MEP1B: variants seen among roughly 807,000 people sequenced by gnomAD.
The protein encoded by MEP1B is N-benzoyl-L-tyrosyl-P-amino-benzoic acid hydrolase subunit beta.
In MEP1B, 80 loss-of-function variants were observed where a neutral mutation model predicts 84.6. The ratio of observed to expected loss-of-function variants is 0.95; its 90% confidence interval spans 0.79 to 1.14. MEP1B has a LOEUF of 1.14. MEP1B is among the 50% of genes most tolerant of loss of function. The probability of loss-of-function intolerance (pLI) is 0.00; values close to 1 mark genes in which losing one functional copy is unlikely to be tolerated. For missense variants in MEP1B, 766 were observed against 855.1 expected (o/e 0.90, Z 1.30); for synonymous variants, 273 against 288.1 (o/e 0.95, Z 0.53).
In MEP1B at chr18:32,205,744, G is replaced by T. The variant is rs574140270; in HGVS notation, c.547+1384G>T. 9.3e-3 allele frequency among the ~76,000 whole-genome samples: 1,411 copies of T among 152,236 alleles called. 10 individuals carry two copies. The highest frequency in any genetic ancestry group is 0.032 in the African/African-American group (1,330 of 41,544). The stretch of plus-strand genomic sequence containing the variant: ...TAGTATAATGCTAAATGGCCTGAAT[G>T]TCTTCTCTAAATATATTCATTTTTG... On this transcript the variant is annotated intron_variant, in intron 7 of 14. Coordinates refer to ENST00000269202, the MANE Select transcript of MEP1B (RefSeq NM_005925.3).
At chr18:32,197,405 GT>G (rs34303503) in intron 5 of MEP1B, among the ~76,000 whole-genome samples, 25 of 142,174 alleles carry the variant, frequency 1.8e-4, no homozygotes, top group Admixed American at 5.6e-4. Flanking sequence ...TTTCATTTTT[GT>G]TTTTTTTTTT....
Position 32,203,002 on chromosome 18 carries a change from G to A in MEP1B, c.360G>A (p.Lys120=). 6.9e-6 allele frequency: 11 copies of A among 1,596,166 alleles called. No homozygotes were observed. Among genetic ancestry groups the A allele is most frequent in the Non-Finnish European group, 9.4e-6 (11 of 1,166,050 alleles). The part of the protein sequence containing the change: ...AGETNYISVF[K]GSGCWSSVGN... ...AAACAAACTATATATCAGTGTTCAAGGGCAGTGGGTAAGTTGCAGACTTAG... is the reference window on the plus strand; with the variant it reads ...AAACAAACTATATATCAGTGTTCAAAGGCAGTGGGTAAGTTGCAGACTTAG... Residue 120 remains lysine (K), a synonymous_variant, in exon 6 of 15, where the codon AAG becomes AAA. Transcript: ENST00000269202.
At chr18:32,213,002 G>A (rs1191153172) in intron 10 of MEP1B, 114 bp from the exon 11 acceptor site, 4 of 949,048 alleles carry the variant, frequency 4.2e-6, no homozygotes, top group Non-Finnish European at 6.3e-6. Context: ...CTTCTGACCT[G>A]TAGAAATAAA....
chr18:32,213,019 T>G, intron 10 of MEP1B, 97 bp from the exon 11 acceptor site: 1 of 1,168,324 alleles, frequency 8.6e-7, no homozygotes, highest in South Asian at 1.5e-5. Flanking sequence ...TAAATCGGTT[T>G]TGGATGACCC....
At chr18:32,208,331 T>G in intron 9 of MEP1B, 60 bp downstream of exon 9, 15 of 1,413,262 alleles carry the variant, frequency 1.1e-5, no homozygotes, top group Non-Finnish European at 1.4e-5. Context: ...CATACTTCTC[T>G]ATGAAAGAAT....
At chr18:32,208,835 T>C (rs2040993100) in intron 9 of MEP1B, among the ~76,000 whole-genome samples, 1 of 152,246 alleles carries the variant, frequency 6.6e-6, no homozygotes, top group Non-Finnish European at 1.5e-5. Flanking sequence ...TATGTAAAAC[T>C]AGACTTCAGA....
intron 13 of MEP1B, 37 bp from the exon 14 acceptor site, chr18:32,217,724 T>A (rs753300675): frequency 4.6e-6 from 7 of 1,533,686 alleles, no homozygotes; most frequent in Non-Finnish European, 6.3e-6. Context: ...GAGTTAGATA[T>A]CAACTAATAA....
At chr18:32,204,075 G>A in intron 6 of MEP1B, 107 bp from the exon 7 acceptor site, 1 of 883,900 alleles carries the variant, frequency 1.1e-6, no homozygotes, top group Non-Finnish European at 1.8e-6. Context: ...TAAGAGCAAA[G>A]GTGGGTAATG....
chr18:32,199,878 GC>G (rs1434069720), intron 5 of MEP1B, among the ~76,000 whole-genome samples: 1 of 152,132 alleles, frequency 6.6e-6, no homozygotes, highest in Non-Finnish European at 1.5e-5. Context: ...GTTTCACCAG[GC>G]AATCCACCCA....
chr18:32,197,639 C>T (rs191565839), intron 5 of MEP1B, among the ~76,000 whole-genome samples: 1 of 152,070 alleles, frequency 6.6e-6, no homozygotes, highest in Non-Finnish European at 1.5e-5. Flanking sequence ...AGGCTGGTCT[C>T]GAATTCCTGG....
Position 32,217,019 on chromosome 18 carries a change from C to A in MEP1B, c.1788C>A (p.Ile596=), listed in dbSNP as rs779418048. The A allele has an allele frequency of 6.2e-7, 1 of 1,613,978 alleles. No homozygotes were observed. Among genetic ancestry groups the A allele is most frequent in the Non-Finnish European group, 8.5e-7 (1 of 1,179,852 alleles). ...EDISHLNSTQ[I]QLTPAPSVQD... ...TATCTCACCTCAACTCTACACAAAT[C>A]CAGCTAACACCAGCCCCTAGTGTTC... The change falls in exon 13 of 15, where the codon ATC becomes ATA. Residue 596 remains isoleucine (I), a synonymous_variant. Transcript: ENST00000269202.
At chr18:32,204,832 G>A (rs930490510) in intron 7 of MEP1B, among the ~76,000 whole-genome samples, 5 of 152,120 alleles carry the variant, frequency 3.3e-5, no homozygotes, top group Admixed American at 1.3e-4. Flanking sequence ...AGAGGTCAAG[G>A]GAGAGTCAGA....
intron 12 of MEP1B, among the ~76,000 whole-genome samples, chr18:32,216,721 A>T (rs2041093164): frequency 6.6e-6 from 1 of 152,090 alleles, no homozygotes; most frequent in Admixed American, 6.5e-5. Context: ...CAAGCCTAAA[A>T]TCTGATCATT....
In MEP1B at chr18:32,196,876, G is replaced by A. The variant is rs999290465; in HGVS notation, c.250+1391G>A. ...TACTTGCCCATGATGTAGTGGAGGC[G>A]GGCAAGGAGGCGCAGGCAGGCTCAG... On this transcript the variant is annotated intron_variant, in intron 5 of 14. Transcript: ENST00000269202. This position sits in a 1 kb window ranked among gnomAD's most constrained non-coding sequence, Gnocchi z 4.4. 4 of 485,180 alleles carry A rather than the reference G, an allele frequency of 8.2e-6. No homozygotes were observed. Among genetic ancestry groups the A allele is most frequent in the South Asian group, 2.1e-5 (1 of 48,304 alleles). The allele number at this position is 485,180 out of a possible 1,614,324, so 30.1% of individuals were successfully genotyped here.
At position 32,217,085 on chromosome 18, in the gene MEP1B, C is replaced by T. The variant is rs1309707943; in HGVS notation, c.1854C>T (p.Val618=). Residue 618 remains valine (V), a synonymous_variant, in exon 13 of 15, where the codon GTC becomes GTT. Transcript: ENST00000269202. Reference sequence around the variant, plus strand: ...AAACCACCTGTAAAAATGACGGTGTCTGCACTGTTCGAGATGGCAAAGCTG... The same window carrying T: ...AAACCACCTGTAAAAATGACGGTGTTTGCACTGTTCGAGATGGCAAAGCTG... ...CSKTTCKNDG[V]CTVRDGKAEC... is the part of the protein sequence containing the mutation. 6.2e-7 allele frequency: 1 copy of T among 1,613,862 alleles called. No homozygotes were observed. The highest frequency in any genetic ancestry group is 1.7e-5 in the Admixed American group (1 of 60,022).
intron 13 of MEP1B, 59 bp from the exon 14 acceptor site, chr18:32,217,702 T>C (rs1228005605): frequency 1.5e-5 from 20 of 1,375,594 alleles, no homozygotes; most frequent in Middle Eastern, 2.0e-4. Context: ...TCTTTAACTG[T>C]GAAGATTTCT....
chr18:32,200,410 T>C (rs1377552978), intron 5 of MEP1B, among the ~76,000 whole-genome samples: 1 of 152,186 alleles, frequency 6.6e-6, no homozygotes, highest in African/African-American at 2.4e-5. Context: ...TTTTCAATTA[T>C]GTGATTTTGA....
At chr18:32,210,453 C>A (rs757145559) in intron 9 of MEP1B, 48 bp from the exon 10 acceptor site, 1 of 1,501,124 alleles carries the variant, frequency 6.7e-7, no homozygotes, top group Non-Finnish European at 9.2e-7. Flanking sequence ...AACACACATT[C>A]CTATACCCAG....
At position 32,210,501 on chromosome 18, in the gene MEP1B, GTTCT is replaced by G; in HGVS notation, c.921_924del (p.Ser308ValfsTer11). The G allele has an allele frequency of 6.2e-7, 1 of 1,613,238 alleles. No individual in the cohort carries two copies. Among genetic ancestry groups the G allele is most frequent in the Non-Finnish European group, 8.5e-7 (1 of 1,179,436 alleles). On this transcript the variant is annotated frameshift_variant and splice_region_variant, in exon 10 of 15. Transcript: ENST00000269202. LOFTEE classifies it high-confidence loss of function. ...TCTCAATTCTGCTTTTCTTTAACAG[GTTCT>G]GGTTTCTTCATGCATTTCGATAGCA...
Sources: gnomAD v4.1 joint callset for allele counts (sites outside exome capture counted in the v4.1 genomes callset) on GRCh38, gnomAD v4.1.1 for gene constraint, Gnocchi (gnomAD v3.1) non-coding constraint, MANE v1.5 for transcripts, NCBI Gene and HGNC (gene_info 2026-07-23, HGNC 2026-07-21) for gene names.